Variants in HSPH1 observed in about 807,000 individuals in gnomAD.
HSPH1 encodes heat shock protein family H (Hsp110) member 1.
Under a neutral mutation model 100.0 loss-of-function variants are expected in HSPH1, and 40 were observed. The ratio of observed to expected loss-of-function variants is 0.40; its 90% CI spans 0.31 to 0.52. The LOEUF is 0.52. Among genes scored for constraint, HSPH1 ranks in the 20% least tolerant of loss-of-function variants. The pLI, the probability that HSPH1 is intolerant of heterozygous loss-of-function variation, is 0.54. For missense variants in HSPH1, 876 were observed against 1,015.1 expected (o/e 0.86, Z 1.86); for synonymous variants, 403 against 344.0 (o/e 1.17, Z -1.90).
At chr13:31,143,226 T>C (rs1050199798) in intron 12 of HSPH1, among the ~76,000 whole-genome samples, 1 of 152,154 alleles carries the variant, frequency 6.6e-6, no homozygotes, top group African/African-American at 2.4e-5. Context: ...AAAGGTTTGA[T>C]TACAAACTGT....
chr13:31,159,847 A>C (rs1460478641), intron 1 of HSPH1, among the ~76,000 whole-genome samples: 1 of 152,168 alleles, frequency 6.6e-6, no homozygotes, highest in Non-Finnish European at 1.5e-5. Context: ...GCATCCTAAA[A>C]GCCAGAGAAG....
At chr13:31,158,503 C>T (rs1022171130) in intron 2 of HSPH1, among the ~76,000 whole-genome samples, 4 of 138,024 alleles carry the variant, frequency 2.9e-5, no homozygotes, top group Non-Finnish European at 6.1e-5. Flanking sequence ...GAGCCGAGAT[C>T]GCGCCACTGC....
intron 9 of HSPH1, 66 bp downstream of exon 9, chr13:31,148,308 G>A (rs1956344214): frequency 7.2e-6 from 8 of 1,104,380 alleles, no homozygotes; most frequent in East Asian, 4.8e-5. Context: ...GACTCTACTA[G>A]AGAAGTCATT....
intron 14 of HSPH1, among the ~76,000 whole-genome samples, chr13:31,139,448 A>G (rs1316710289): frequency 6.6e-6 from 1 of 152,020 alleles, no homozygotes; most frequent in Non-Finnish European, 1.5e-5. Flanking sequence ...CACATGAAAA[A>G]ATCATTCCTA....
chr13:31,161,002 G>C (rs76521825), intron 1 of HSPH1, among the ~76,000 whole-genome samples: 2 of 152,350 alleles, frequency 1.3e-5, no homozygotes, highest in East Asian at 1.9e-4. Context: ...GAAAAAGGCC[G>C]GCAGCCCCGC....
rs1290300991 is a variant in HSPH1 at position 31,138,818 on chromosome 13, T to A, written c.2171A>T (p.Gln724Leu). ...GTCAGCTGCTATCTTGGCATAATGC[T>A]GCAGCCTCTGTCCTAGTTCTTCAAA... ...KMFEELGQRL[Q>L]HYAKIAADFR... Residue 724 changes from glutamine (Q) to leucine (L), a missense_variant, in exon 16 of 18, where the codon CAG (glutamine) becomes CTG (leucine). By Grantham distance (113) the Gln-to-Leu change is moderately radical (BLOSUM62 -2). Transcript: ENST00000320027. 2 of 1,612,030 alleles carry A rather than the reference T, an allele frequency of 1.2e-6. No individual in the cohort carries two copies. Among genetic ancestry groups the A allele is most frequent in the South Asian group, 2.2e-5 (2 of 90,170 alleles).
intron 2 of HSPH1, among the ~76,000 whole-genome samples, chr13:31,156,022 A>G (rs182379353): frequency 2.4e-4 from 37 of 152,336 alleles, no homozygotes; most frequent in African/African-American, 8.4e-4. Context: ...TTTCCCTGCT[A>G]AACTTGTGAG....
intron 2 of HSPH1, among the ~76,000 whole-genome samples, chr13:31,156,926 C>T (rs1160338379): frequency 6.6e-6 from 1 of 152,164 alleles, no homozygotes; most frequent in African/African-American, 2.4e-5. Flanking sequence ...TGAAAAGCCC[C>T]ACTTCAGAGC....
At chr13:31,159,491 T>C (rs1192473800) in intron 1 of HSPH1, among the ~76,000 whole-genome samples, 3 of 152,222 alleles carry the variant, frequency 2.0e-5, no homozygotes, top group African/African-American at 7.2e-5. Context: ...ACATCAAATC[T>C]GTTTTGAAGA....
At chr13:31,148,119 G>A (rs1156271999) in intron 9 of HSPH1, 27 bp from the exon 10 acceptor site, 1 of 1,594,150 alleles carries the variant, frequency 6.3e-7, no homozygotes, top group Non-Finnish European at 8.5e-7. Context: ...AAGGCATTCA[G>A]CAGATGAAGA....
intron 2 of HSPH1, among the ~76,000 whole-genome samples, chr13:31,155,898 TGAC>T (rs1424250565): frequency 6.6e-6 from 1 of 152,170 alleles, no homozygotes; most frequent in Admixed American, 6.5e-5. Context: ...CAAAATAGTG[TGAC>T]GACAGACTTT....
chr13:31,148,682 A>G (rs1490568423), intron 8 of HSPH1, among the ~76,000 whole-genome samples: 2 of 152,052 alleles, frequency 1.3e-5, no homozygotes, highest in Non-Finnish European at 2.9e-5. Flanking sequence ...CTAGGTACAA[A>G]GACAAATAAT....
chr13:31,161,939 T>C, upstream of HSPH1: 2 of 1,535,318 alleles, frequency 1.3e-6, no homozygotes, highest in South Asian at 1.2e-5. Context: ...GCCTTATGTA[T>C]CGCACTGATC....
rs10573885 is a variant in HSPH1, at chr13:31,141,797, T to TACACACAC, written c.1717-539_1717-538insGTGTGTGT. Among the ~76,000 whole-genome samples, 447 of 124,244 alleles carry TACACACAC rather than the reference T, an allele frequency of 3.6e-3. 11 individuals are homozygous for TACACACAC. The East Asian group carries it at 0.051, about 14-fold the overall frequency. 81.5% of individuals were successfully genotyped at this position (124,244 alleles called of 152,430 possible). A position where few individuals can be genotyped will look rare whatever the true frequency, so the allele number is the denominator to read the frequency against. ...TACATATATATATACTCCATACACA[T>TACACACAC]ACATACACACACACACACACACACA... On this transcript the variant is annotated intron_variant, in intron 12 of 17. Transcript: ENST00000320027.
intron 1 of HSPH1, 135 bp downstream of exon 1, chr13:31,161,341 G>T: frequency 6.9e-7 from 1 of 1,451,288 alleles, no homozygotes; most frequent in Non-Finnish European, 9.2e-7. Flanking sequence ...CTGGTCCCTA[G>T]TTCCACGGAG....
chr13:31,162,142 C>G, upstream of HSPH1: 1 of 1,491,186 alleles, frequency 6.7e-7, no homozygotes. Flanking sequence ...CCTGCCTCCG[C>G]CCACTCCCGC....
Position 31,154,774 on chromosome 13 carries a change from A to G in HSPH1, c.307-19T>C, listed in dbSNP as rs1031027547. The G allele has an allele frequency of 1.9e-6, 3 of 1,607,284 alleles. No individual in the cohort carries two copies. Among genetic ancestry groups the G allele is most frequent in the Non-Finnish European group, 8.5e-7 (1 of 1,175,360 alleles). On this transcript the variant is annotated intron_variant, in intron 3 of 17. Transcript: ENST00000320027. ...ACATTACCTATATTGAAGGGAAAAA[A>G]TGTTTTAAACATTGTAGTACTTTAA... is the stretch of plus-strand genomic sequence containing the variant.
chr13:31,143,971 G>A (rs748374758), intron 11 of HSPH1, 48 bp from the exon 12 acceptor site: 5 of 1,444,384 alleles, frequency 3.5e-6, no homozygotes, highest in South Asian at 3.1e-5. Context: ...AGGTGTACTT[G>A]TATAAATTTT....
Position 31,144,994 on chromosome 13 carries a change from T to C in HSPH1, c.1584+569A>G, listed in dbSNP as rs540452020. 7.2e-5 allele frequency among the ~76,000 whole-genome samples: 11 copies of C among 152,320 alleles called. No homozygotes were observed. The South Asian group carries it at 2.3e-3, about 32-fold the overall frequency. ...CCCTAGAAATAAACTGTAATTATTG[T>C]AATACTTTAGCTTCCTAAAATTCTT... On this transcript the variant is annotated intron_variant, in intron 11 of 17. Transcript: ENST00000320027.
Sources: allele counts gnomAD v4.1 joint callset (sites outside exome capture counted in the v4.1 genomes callset), GRCh38; gene constraint gnomAD v4.1.1; transcripts MANE v1.5; gene names NCBI Gene and HGNC (gene_info 2026-07-23, HGNC 2026-07-21).